PACRG: variants seen among roughly 807,000 people sequenced by gnomAD.
PACRG encodes parkin coregulated.
Under a neutral mutation model 29.7 loss-of-function variants are expected in PACRG, and 29 were observed. The ratio of observed to expected loss-of-function variants is 0.98; its 90% CI spans 0.73 to 1.33. The LOEUF is 1.33. Among genes scored for constraint, PACRG ranks in the 40% most tolerant of loss-of-function variants. PACRG has a pLI of 0.00. For missense variants in PACRG, 279 were observed against 316.2 expected, an observed-to-expected ratio of 0.88 and a Z score of 0.89; for synonymous variants, 116 against 118.7, an observed-to-expected ratio of 0.98 and a Z score of 0.15.
chr6:163,260,715 C>T (rs1463221261), intron 4 of PACRG, among the ~76,000 whole-genome samples: 1 of 152,200 alleles, frequency 6.6e-6, no homozygotes, highest in East Asian at 1.9e-4. Flanking sequence ...TAAACGCTCA[C>T]TGTTCTGAGA....
chr6:162,982,981 G>A (rs1231767419), intron 2 of PACRG, among the ~76,000 whole-genome samples: 1 of 151,978 alleles, frequency 6.6e-6, no homozygotes, highest in African/African-American at 2.4e-5. Flanking sequence ...AAATTTGGGA[G>A]TTCCAGTGTT....
At chr6:163,024,004 C>T (rs1806883613) in intron 2 of PACRG, among the ~76,000 whole-genome samples, 1 of 152,130 alleles carries the variant, frequency 6.6e-6, no homozygotes, top group Non-Finnish European at 1.5e-5. Flanking sequence ...AATATTCTCT[C>T]CCATTCTATA....
chr6:162,817,887 TG>T (rs1290835618), intron 2 of PACRG, among the ~76,000 whole-genome samples: 1 of 152,206 alleles, frequency 6.6e-6, no homozygotes, highest in Non-Finnish European at 1.5e-5. Flanking sequence ...TTAGTAAATG[TG>T]AGAAACGTTT....
At chr6:163,000,163 C>G (rs954154595) in intron 2 of PACRG, among the ~76,000 whole-genome samples, 13 of 152,118 alleles carry the variant, frequency 8.5e-5, no homozygotes, top group African/African-American at 3.1e-4. Context: ...CCATCCAGGC[C>G]AGATTCACTT....
intron 2 of PACRG, among the ~76,000 whole-genome samples, chr6:162,984,418 G>C (rs974402782): frequency 2.6e-5 from 4 of 151,946 alleles, no homozygotes; most frequent in African/African-American, 9.7e-5. Flanking sequence ...TCAACCCCTT[G>C]ATTTAATGGG....
intron 4 of PACRG, among the ~76,000 whole-genome samples, chr6:163,306,570 A>T (rs34972448): frequency 0.081 from 12,317 of 152,272 alleles, 552 homozygotes; most frequent in Non-Finnish European, 0.099. Flanking sequence ...AGCTATATAG[A>T]CTTACTGAAA....
chr6:163,175,987 A>G (rs1030823107), intron 4 of PACRG, among the ~76,000 whole-genome samples: 2 of 152,200 alleles, frequency 1.3e-5, no homozygotes, highest in Non-Finnish European at 2.9e-5. Context: ...TAATGAGTCT[A>G]TTCTGTTTAT....
chr6:162,967,592 C>T (rs1013020775), intron 2 of PACRG, among the ~76,000 whole-genome samples: 12 of 151,572 alleles, frequency 7.9e-5, no homozygotes, highest in African/African-American at 2.2e-4. Flanking sequence ...CTGCAAGCTC[C>T]GCCTCCCGGT....
intron 2 of PACRG, among the ~76,000 whole-genome samples, chr6:163,035,240 C>T (rs1165375824): frequency 1.3e-5 from 2 of 152,192 alleles, no homozygotes; most frequent in Admixed American, 6.5e-5. Context: ...GGGCCGGGCA[C>T]AGTGGCTCAT....
At chr6:163,218,918 G>A (rs549637031) in intron 4 of PACRG, among the ~76,000 whole-genome samples, 1 of 152,368 alleles carries the variant, frequency 6.6e-6, no homozygotes, top group East Asian at 1.9e-4. Flanking sequence ...GCAGGCATTC[G>A]TGTCTGGAAG....
rs534035990 is a variant in PACRG at position 163,187,451 on chromosome 6, T to A, written c.613+98043T>A. 1.5e-4 allele frequency among the ~76,000 whole-genome samples: 23 copies of A among 152,232 alleles called. No individual in the cohort carries two copies. The South Asian group carries it at 3.1e-3, about 21-fold the overall frequency. ...AGCACTGCTGAGAACGCCTCTCAACTGAGAGCCCGCGCTCCTCCCCTCCAT... is the reference window on the plus strand; with the variant it reads ...AGCACTGCTGAGAACGCCTCTCAACAGAGAGCCCGCGCTCCTCCCCTCCAT... On this transcript the variant is annotated intron_variant, in intron 4 of 4. Transcript: ENST00000366888.
At position 163,109,849 on chromosome 6, in the gene PACRG, T is replaced by A. The variant is rs534412975; in HGVS notation, c.613+20441T>A. Among the ~76,000 whole-genome samples, 60 of 152,232 alleles carry A rather than the reference T, an allele frequency of 3.9e-4. 2 individuals carry two copies. The highest frequency in any genetic ancestry group is 3.9e-3 in the Admixed American group (59 of 15,286). ...TATAGAGCCTCCTCCACAGTGAAATTGAGAAGGAGATTGGGACTTGATATG... is the reference window on the plus strand; with the variant it reads ...TATAGAGCCTCCTCCACAGTGAAATAGAGAAGGAGATTGGGACTTGATATG... On this transcript the variant is annotated intron_variant, in intron 4 of 4. Coordinates refer to ENST00000366888, the MANE Select transcript of PACRG (RefSeq NM_001080379.2).
At chr6:163,117,743 C>T (rs1399795753) in intron 4 of PACRG, among the ~76,000 whole-genome samples, 1 of 137,696 alleles carries the variant, frequency 7.3e-6, no homozygotes, top group African/African-American at 2.9e-5. Flanking sequence ...AAGAACGAGA[C>T]TCTGTCTCAA....
intron 1 of PACRG, among the ~76,000 whole-genome samples, chr6:162,757,989 A>G (rs1164484975): frequency 2.0e-5 from 3 of 150,992 alleles, no homozygotes; most frequent in Admixed American, 6.6e-5. Flanking sequence ...CAATAGTACG[A>G]AAGTCTGAAA....
intron 2 of PACRG, among the ~76,000 whole-genome samples, chr6:162,958,872 TATATATATATATAGAGAG>T (rs1199589569): frequency 6.2e-4 from 38 of 61,160 alleles, no homozygotes; most frequent in African/African-American, 2.3e-3. Context: ...TATATATATA[TATATATATATATAGAGAG>T]AGAGAGAGAG....
chr6:163,250,226 A>C (rs1782848874), intron 4 of PACRG, among the ~76,000 whole-genome samples: 1 of 152,250 alleles, frequency 6.6e-6, no homozygotes, highest in Non-Finnish European at 1.5e-5. Context: ...TAATGGCGCC[A>C]CCAAAATGTG....
chr6:162,756,919 A>G (rs2128286070), intron 1 of PACRG, among the ~76,000 whole-genome samples: 1 of 152,256 alleles, frequency 6.6e-6, no homozygotes, highest in South Asian at 2.1e-4. Context: ...AAAAACTCTA[A>G]AACACTCTTT....
intron 4 of PACRG, among the ~76,000 whole-genome samples, chr6:163,229,967 T>C (rs553004712): frequency 6.6e-6 from 1 of 152,332 alleles, no homozygotes; most frequent in South Asian, 2.1e-4. Context: ...AGTTTGCTTC[T>C]GGGCATTGAA....
Position 163,141,444 on chromosome 6 carries a change from GT to G in PACRG, c.613+52050del, listed in dbSNP as rs61532073. Among the ~76,000 whole-genome samples the G allele has an allele frequency of 1.1e-3, 166 of 147,218 alleles. No individual in the cohort carries two copies. The East Asian group carries it at 0.012, about 11-fold the overall frequency. ...ACTATAGGATTTTTGTAATGTATGT[GT>G]TTTTTTTTTTTTTAAAGCCAAACTA... On this transcript the variant is annotated intron_variant, in intron 4 of 4. Coordinates refer to ENST00000366888, the MANE Select transcript of PACRG (RefSeq NM_001080379.2).
Sources: allele counts gnomAD v4.1 joint callset (sites outside exome capture counted in the v4.1 genomes callset), GRCh38; gene constraint gnomAD v4.1.1; transcripts MANE v1.5; gene names NCBI Gene and HGNC (gene_info 2026-07-23, HGNC 2026-07-21).